The following NBDY variants were observed in gnomAD, a reference collection of about 807,000 sequenced individuals.
NBDY encodes the protein P-body dissociating protein.
intron 2 of NBDY, among the ~76,000 whole-genome samples, chrX:56,742,774 G>A (rs755276381): frequency 1.2e-4 from 13 of 111,428 alleles, no homozygotes; most frequent in South Asian, 1.1e-3. Context: ...TGCAAACAAC[G>A]GTAATTTGAC....
At chrX:56,732,677 T>C (rs191878184) in intron 2 of NBDY, among the ~76,000 whole-genome samples, 48 of 112,029 alleles carry the variant, frequency 4.3e-4, no homozygotes, top group African/African-American at 1.6e-3. Flanking sequence ...TGGTAGAGGA[T>C]TTCCTTATTT....
chrX:56,802,071 C>A (rs1370144370), intron 2 of NBDY, among the ~76,000 whole-genome samples: 2 of 111,214 alleles, frequency 1.8e-5, no homozygotes, highest in Non-Finnish European at 3.8e-5. Context: ...CACAGACGCA[C>A]ACACACATGT....
At chrX:56,792,169 G>A (rs1013312622) in intron 2 of NBDY, among the ~76,000 whole-genome samples, 2 of 110,814 alleles carry the variant, frequency 1.8e-5, no homozygotes, top group Non-Finnish European at 1.9e-5. Context: ...CACAGATGAA[G>A]GTCATCAGTT....
intron 2 of NBDY, among the ~76,000 whole-genome samples, chrX:56,793,145 G>T (rs1200865745): frequency 1.8e-5 from 2 of 112,207 alleles, no homozygotes; most frequent in Non-Finnish European, 3.8e-5. Flanking sequence ...CCATCCCAAG[G>T]TGGTAAACTC....
chrX:56,788,615 CT>C (rs372313716), intron 2 of NBDY, among the ~76,000 whole-genome samples: 1,214 of 103,991 alleles, frequency 0.012, 11 homozygotes, highest in African/African-American at 0.027. Flanking sequence ...CCCGTAGCTC[CT>C]TTTTTTTTTT....
intron 2 of NBDY, among the ~76,000 whole-genome samples, chrX:56,742,189 G>T (rs2069534985): frequency 9.0e-6 from 1 of 111,117 alleles, no homozygotes; most frequent in South Asian, 3.8e-4. Flanking sequence ...ATTGGTCTAT[G>T]TGTCTGTTTT....
chrX:56,730,272 T>G (rs2069450302), intron 1 of NBDY, among the ~76,000 whole-genome samples: 1 of 107,281 alleles, frequency 9.3e-6, no homozygotes, highest in East Asian at 2.9e-4. Flanking sequence ...TCCTAGCACT[T>G]TGGGATGCCG....
chrX:56,750,010 A>G (rs1447911622), intron 2 of NBDY, among the ~76,000 whole-genome samples: 1 of 111,722 alleles, frequency 9.0e-6, no homozygotes, highest in Non-Finnish European at 1.9e-5. Context: ...TGTTATTTCT[A>G]TTTCATATTA....
At chrX:56,761,661 C>T in intron 2 of NBDY, among the ~76,000 whole-genome samples, 1 of 113,322 alleles carries the variant, frequency 8.8e-6, no homozygotes, top group Non-Finnish European at 1.9e-5. Context: ...CTTTACTTCT[C>T]GTCCACTTCT....
chrX:56,791,808 C>T (rs1040452190), intron 2 of NBDY, among the ~76,000 whole-genome samples: 1 of 103,536 alleles, frequency 9.7e-6, no homozygotes, highest in African/African-American at 3.5e-5. Context: ...TTTTTATCCT[C>T]TTGCTCCTCC....
chrX:56,800,030 G>A (rs768109174), intron 2 of NBDY, among the ~76,000 whole-genome samples: 27 of 111,212 alleles, frequency 2.4e-4, no homozygotes, highest in African/African-American at 8.9e-4. Context: ...TTAGGCCTGT[G>A]TGTGGGCCGC....
intron 2 of NBDY, among the ~76,000 whole-genome samples, chrX:56,790,553 C>T (rs2146732729): frequency 8.9e-6 from 1 of 112,317 alleles, no homozygotes; most frequent in East Asian, 2.8e-4. Flanking sequence ...CCACGGGGCA[C>T]CTCCGGCCCT....
chrX:56,812,466 C>T (rs2069891854), intron 2 of NBDY, among the ~76,000 whole-genome samples: 2 of 110,591 alleles, frequency 1.8e-5, no homozygotes, highest in South Asian at 4.0e-4. Flanking sequence ...CCTCCCATTT[C>T]CAGAGTCCTT....
At chrX:56,762,965 A>T (rs914477221) in intron 2 of NBDY, among the ~76,000 whole-genome samples, 1 of 112,153 alleles carries the variant, frequency 8.9e-6, no homozygotes, top group Non-Finnish European at 1.9e-5. Context: ...TCTCCCACAC[A>T]GACACATACA....
intron 2 of NBDY, among the ~76,000 whole-genome samples, chrX:56,766,100 A>G (rs999692532): frequency 8.9e-6 from 1 of 111,918 alleles, no homozygotes; most frequent in African/African-American, 3.3e-5. Flanking sequence ...CCTTTACCCA[A>G]TACCTCATGG....
chrX:56,742,708 G>A (rs901578430), intron 2 of NBDY, among the ~76,000 whole-genome samples: 6 of 111,675 alleles, frequency 5.4e-5, no homozygotes, highest in Non-Finnish European at 1.9e-5. Context: ...GAATTTATCA[G>A]TTCTTATAGT....
chrX:56,803,657 T>A (rs1477803814), intron 2 of NBDY, among the ~76,000 whole-genome samples: 1 of 111,324 alleles, frequency 9.0e-6, no homozygotes, highest in Non-Finnish European at 1.9e-5. Context: ...CAGCCCGACA[T>A]ATTCTCGCTG....
chrX:56,755,565 G>T (rs1478071586), intron 2 of NBDY, among the ~76,000 whole-genome samples: 1 of 112,116 alleles, frequency 8.9e-6, no homozygotes, highest in Non-Finnish European at 1.9e-5. Context: ...GGCCATCAGA[G>T]AAATGCAAAT....
chrX:56,765,224 C>T (rs1355991685), intron 2 of NBDY, among the ~76,000 whole-genome samples: 1 of 111,949 alleles, frequency 8.9e-6, no homozygotes, highest in African/African-American at 3.3e-5. Context: ...TGGCGTTTCC[C>T]TCTCCTTTCT....
Sources: gnomAD v4.1 joint callset for allele counts (sites outside exome capture counted in the v4.1 genomes callset) on GRCh38, gnomAD v4.1.1 for gene constraint, MANE v1.5 for transcripts, NCBI Gene and HGNC (gene_info 2026-07-23, HGNC 2026-07-21) for gene names.